Variants in CRTAC1 observed in about 807,000 individuals in gnomAD.
The protein encoded by CRTAC1 is acidic secreted protein in cartilage.
CRTAC1 carries 37 observed loss-of-function variants against 67.8 expected under a neutral mutation model. The observed-to-expected ratio is 0.55, with a 90% confidence interval of 0.42 to 0.72. The LOEUF is 0.72. CRTAC1 is among the 30% of genes least tolerant of loss of function. CRTAC1 has a pLI of 0.00. For synonymous variants in CRTAC1, 348 were observed against 371.0 expected, an observed-to-expected ratio of 0.94 and a Z score of 0.71; for missense variants, 780 against 931.6, an observed-to-expected ratio of 0.84 and a Z score of 2.12.
At chr10:98,017,093 T>C (rs1421379352) in intron 1 of CRTAC1, among the ~76,000 whole-genome samples, 2 of 152,202 alleles carry the variant, frequency 1.3e-5, no homozygotes, top group Non-Finnish European at 2.9e-5. Context: ...TTTTGTTTTC[T>C]TGAATGCTTG....
At position 97,911,778 on chromosome 10, in the gene CRTAC1, C is replaced by G. The variant is rs566721623; in HGVS notation, c.716-3631G>C. On this transcript the variant is annotated intron_variant, in intron 5 of 14. Transcript: ENST00000370597. ...AGCAAATGTCTTCTACCAGGGCTTT[C>G]CCCTCCTCTCCTCTCTCCTTTGTCA... Among the ~76,000 whole-genome samples, 120 of 152,314 alleles carry G rather than the reference C, an allele frequency of 7.9e-4. 2 individuals are homozygous for G. In the South Asian group the frequency reaches 0.025, roughly 31 times the overall value.
intron 7 of CRTAC1, 132 bp from the exon 8 acceptor site, chr10:97,901,771 G>C (rs902183627): frequency 9.2e-7 from 1 of 1,086,778 alleles, no homozygotes; most frequent in South Asian, 1.6e-5. Flanking sequence ...CCTGCCTCCC[G>C]CAAAGGACCT....
At chr10:97,900,045 C>G (rs965033581) in intron 8 of CRTAC1, among the ~76,000 whole-genome samples, 2 of 152,178 alleles carry the variant, frequency 1.3e-5, no homozygotes, top group African/African-American at 4.8e-5. Flanking sequence ...GGGCCTCACC[C>G]CCTGAGATTC....
rs1355877482 is a variant in CRTAC1, at chr10:98,021,004, T to C, written c.24+9445A>G. ...AGTGAGCAAGAACACTGGAGGCCAC[T>C]ATTCACTCATTCATTCATTCATTCA... On this transcript the variant is annotated intron_variant, in intron 1 of 14. Transcript: ENST00000370597. 2.8e-5 allele frequency among the ~76,000 whole-genome samples: 4 copies of C among 143,924 alleles called. No homozygotes were observed. In the East Asian group the frequency reaches 5.8e-4, roughly 21 times the overall value. The allele number at this position is 143,924 out of a possible 152,430, so 94.4% of individuals were successfully genotyped here. A position where few individuals can be genotyped will look rare whatever the true frequency, so the allele number is the denominator to read the frequency against.
intron 14 of CRTAC1, 63 bp downstream of exon 14, chr10:97,880,186 C>A: frequency 2.5e-6 from 4 of 1,575,286 alleles, no homozygotes; most frequent in Non-Finnish European, 2.6e-6. Flanking sequence ...GGGGCCTACC[C>A]AGAGCTCCCC....
intron 2 of CRTAC1, among the ~76,000 whole-genome samples, chr10:97,942,320 C>T (rs573523661): frequency 3.3e-5 from 5 of 152,272 alleles, no homozygotes; most frequent in East Asian, 3.9e-4. Flanking sequence ...AGATGAAGCC[C>T]GTGGAAGGTA....
intron 14 of CRTAC1, among the ~76,000 whole-genome samples, chr10:97,875,456 C>T (rs1050382461): frequency 5.9e-5 from 9 of 152,192 alleles, no homozygotes; most frequent in Non-Finnish European, 8.8e-5. Flanking sequence ...GACAAGCCAC[C>T]GTGGGAGAGG....
At chr10:97,897,104 C>G (rs955836970) in intron 8 of CRTAC1, 113 bp from the exon 9 acceptor site, 4 of 687,246 alleles carry the variant, frequency 5.8e-6, no homozygotes, top group Admixed American at 5.6e-5. Context: ...TGTGCATGGG[C>G]TACCACCTGG....
chr10:97,896,085 A>G, intron 9 of CRTAC1, 100 bp from the exon 10 acceptor site: 1 of 1,011,476 alleles, frequency 9.9e-7, no homozygotes, highest in Non-Finnish European at 1.5e-6. Context: ...TGGGCGTGGG[A>G]GCCAGAGAAA....
intron 12 of CRTAC1, 125 bp downstream of exon 12, chr10:97,884,081 G>C: frequency 8.8e-7 from 1 of 1,132,946 alleles, no homozygotes; most frequent in Non-Finnish European, 1.2e-6. Context: ...TGAAGCCTTC[G>C]CTTTGCCAAG....
In CRTAC1 at chr10:97,985,665, G is replaced by A. The variant is rs141614173; in HGVS notation, c.224+25473C>T. Reference sequence around the variant, plus strand: ...GGTGCACTTGCCTCTGCAAAGTGCCGAGGCCTCCTGTGTAGTCCAATTGTG... The same window carrying A: ...GGTGCACTTGCCTCTGCAAAGTGCCAAGGCCTCCTGTGTAGTCCAATTGTG... On this transcript the variant is annotated intron_variant, in intron 2 of 14. Coordinates refer to ENST00000370597, the MANE Select transcript of CRTAC1 (RefSeq NM_018058.7). Among the ~76,000 whole-genome samples, 275 of 152,216 alleles carry A rather than the reference G, an allele frequency of 1.8e-3. 1 individual carries two copies. Among genetic ancestry groups the A allele is most frequent in the African/African-American group, 6.3e-3 (260 of 41,536 alleles).
At chr10:97,956,177 G>C (rs1198291018) in intron 2 of CRTAC1, among the ~76,000 whole-genome samples, 1 of 152,232 alleles carries the variant, frequency 6.6e-6, no homozygotes, top group Non-Finnish European at 1.5e-5. Flanking sequence ...GCTGCTTAAA[G>C]CACAGGTTCT....
chr10:97,919,037 C>T (rs1057130655), intron 4 of CRTAC1, among the ~76,000 whole-genome samples: 3 of 131,954 alleles, frequency 2.3e-5, no homozygotes, highest in African/African-American at 9.1e-5. Context: ...CACCACCCCC[C>T]CCCGCCTCAG....
chr10:97,940,305 C>A (rs1413078366), intron 2 of CRTAC1, among the ~76,000 whole-genome samples: 1 of 152,208 alleles, frequency 6.6e-6, no homozygotes, highest in African/African-American at 2.4e-5. Flanking sequence ...GCCTGGGAAG[C>A]TGAGTGTGAG....
At chr10:97,871,570 A>T (rs2050093816) in intron 14 of CRTAC1, 1 of 152,236 alleles carries the variant, frequency 6.6e-6, no homozygotes. Context: ...TGCCAGGAAC[A>T]TTCATGTACA....
At chr10:97,869,693 T>C (rs1346577786) in intron 14 of CRTAC1, 3 of 152,312 alleles carry the variant, frequency 2.0e-5, no homozygotes, top group Non-Finnish European at 4.4e-5. Flanking sequence ...CTATGGCTGT[T>C]GTGACACGTC....
intron 2 of CRTAC1, among the ~76,000 whole-genome samples, chr10:97,937,407 C>T (rs757948593): frequency 2.0e-5 from 3 of 152,290 alleles, no homozygotes; most frequent in Non-Finnish European, 4.4e-5. Context: ...CTCTATCTCT[C>T]ACTAATGCTC....
At chr10:97,990,923 G>A (rs560090866) in intron 2 of CRTAC1, among the ~76,000 whole-genome samples, 4 of 151,708 alleles carry the variant, frequency 2.6e-5, no homozygotes, top group Non-Finnish European at 5.9e-5. Flanking sequence ...ATGTTTAAAC[G>A]ACTGCTTTAA....
chr10:97,936,011 A>T (rs2051080251), intron 3 of CRTAC1, among the ~76,000 whole-genome samples, 159 bp downstream of exon 3: 1 of 152,122 alleles, frequency 6.6e-6, no homozygotes, highest in Non-Finnish European at 1.5e-5. Context: ...AGAATAAGTC[A>T]TTCTGGGACC....
Sources: gnomAD v4.1 joint callset for allele counts (sites outside exome capture counted in the v4.1 genomes callset) on GRCh38, gnomAD v4.1.1 for gene constraint, MANE v1.5 for transcripts, NCBI Gene and HGNC (gene_info 2026-07-23, HGNC 2026-07-21) for gene names.